Variants in SKIL observed in about 807,000 individuals in gnomAD.
SKIL encodes SKI like proto-oncogene.
In SKIL, 20 loss-of-function variants were observed where a neutral mutation model predicts 69.6. That is an observed-to-expected ratio of 0.29 (90% CI 0.20 to 0.42). SKIL has a LOEUF of 0.42. SKIL is among the 10% of genes least tolerant of loss of function. The pLI is 1.00. For synonymous variants in SKIL, 310 were observed against 279.9 expected (o/e 1.11, Z -1.08); for missense variants, 745 against 783.1 (o/e 0.95, Z 0.58).
At chr3:170,379,074 G>T (rs980474892) in intron 2 of SKIL, among the ~76,000 whole-genome samples, 1 of 149,278 alleles carries the variant, frequency 6.7e-6, no homozygotes, top group South Asian at 2.1e-4. Flanking sequence ...ACTGGGTTTC[G>T]CTGTGTTGGC....
rs1738159850 is a variant in SKIL, at chr3:170,395,895, T to G, written c.*3478T>G. The G allele has an allele frequency of 1.4e-5, 2 of 143,872 alleles. No individual in the cohort carries two copies. Among genetic ancestry groups the G allele is most frequent in the Admixed American group, 7.5e-5 (1 of 13,348 alleles). 8.9% of individuals were successfully genotyped at this position (143,872 alleles called of 1,614,324 possible). A position where few individuals can be genotyped will look rare whatever the true frequency, so the allele number is the denominator to read the frequency against. ...GACATAAAACTGCTGTATTATACAT[T>G]GTGGAATTGAATAAACAGCCTAATT... is the stretch of plus-strand genomic sequence containing the variant. On this transcript the variant is annotated 3_prime_UTR_variant, in exon 7 of 7. Transcript: ENST00000259119.
intron 2 of SKIL, among the ~76,000 whole-genome samples, chr3:170,367,842 G>C (rs1736619067): frequency 6.6e-6 from 1 of 151,978 alleles, no homozygotes; most frequent in Non-Finnish European, 1.5e-5. Context: ...AATCTACTTA[G>C]GGGGGAAAAA....
chr3:170,361,354 A>G lies in SKIL; in HGVS notation c.1023A>G (p.Glu341=). ...VNQKYLGTPE[E]KKLKIILEEM... The stretch of plus-strand genomic sequence containing the variant: ...AAAAATACTTAGGAACACCTGAAGA[A>G]AAGAAACTGAAGATAATTTTAGAAG... The change falls in exon 2 of 7, where the codon GAA becomes GAG. Residue 341 remains glutamate (E), a synonymous_variant. Transcript: ENST00000259119. The G allele has an allele frequency of 6.2e-7, 1 of 1,609,544 alleles. No individual in the cohort carries two copies. Among genetic ancestry groups the G allele is most frequent in the Non-Finnish European group, 8.5e-7 (1 of 1,178,708 alleles).
intron 2 of SKIL, among the ~76,000 whole-genome samples, chr3:170,366,688 C>CACACAGAG (rs369728007): frequency 1.4e-5 from 2 of 140,766 alleles, no homozygotes; most frequent in South Asian, 2.3e-4. Context: ...CACACACACA[C>CACACAGAG]ACACACAGAC....
At chr3:170,389,073 A>G (rs1344705039) in intron 4 of SKIL, among the ~76,000 whole-genome samples, 1 of 151,048 alleles carries the variant, frequency 6.6e-6, no homozygotes, top group Non-Finnish European at 1.5e-5. Context: ...GAGTTTTACC[A>G]TGTTGGTCAG....
At chr3:170,364,412 C>G (rs192478707) in intron 2 of SKIL, among the ~76,000 whole-genome samples, 100 of 146,532 alleles carry the variant, frequency 6.8e-4, no homozygotes, top group Middle Eastern at 7.4e-3. Context: ...CAATCTCCAC[C>G]TCCCAGATTC....
At chr3:170,361,458 T>C (rs544789328) in intron 2 of SKIL, 29 bp downstream of exon 2, 3 of 1,473,532 alleles carry the variant, frequency 2.0e-6, no homozygotes, top group East Asian at 4.5e-5. Flanking sequence ...TTTTTAATAA[T>C]GGTAATGGTT....
chr3:170,370,336 T>G (rs1245282445), intron 2 of SKIL, among the ~76,000 whole-genome samples: 1 of 151,218 alleles, frequency 6.6e-6, no homozygotes, highest in Non-Finnish European at 1.5e-5. Flanking sequence ...TTAGTTTGAG[T>G]CCTTTTGATT....
chr3:170,370,437 GAGC>G lies in SKIL; in HGVS notation c.1098+9009_1098+9011del, dbSNP rs1336102667. On this transcript the variant is annotated intron_variant, in intron 2 of 6. Coordinates refer to ENST00000259119, the MANE Select transcript of SKIL (RefSeq NM_005414.5). Reference sequence around the variant, plus strand: ...GTATATATACAGAGAGAGAGAGAGAGAGCCCCCCCCCCCCCCCCGAGCAGGAGT... The same window carrying G: ...GTATATATACAGAGAGAGAGAGAGAGCCCCCCCCCCCCCCCGAGCAGGAGT... 2.3e-3 allele frequency among the ~76,000 whole-genome samples: 56 copies of G among 24,832 alleles called. 3 individuals are homozygous for G. Among genetic ancestry groups the G allele is most frequent in the African/African-American group, 8.1e-3 (48 of 5,948 alleles). The allele number at this position is 24,832 out of a possible 152,430, so 16.3% of individuals were successfully genotyped here.
At chr3:170,364,501 T>G (rs1736408455) in intron 2 of SKIL, among the ~76,000 whole-genome samples, 1 of 151,886 alleles carries the variant, frequency 6.6e-6, no homozygotes, top group African/African-American at 2.4e-5. Flanking sequence ...TTTTTTGTAT[T>G]TTTAGTAGAG....
rs750512944 is a variant in SKIL at position 170,390,398 on chromosome 3, G to A, written c.1605G>A (p.Met535Ile). The A allele has an allele frequency of 1.2e-6, 2 of 1,613,132 alleles. No homozygotes were observed. The highest frequency in any genetic ancestry group is 1.7e-6 in the Non-Finnish European group (2 of 1,179,064). ...AGGGAAAAATCATGGAAGAAGTAAT[G>A]AGAACTTATTTAAAACAACAGGAAA... Reference protein sequence around the residue: ...DDKGKIMEEVMRTYLKQQEKL... With the variant: ...DDKGKIMEEVIRTYLKQQEKL... The change falls in exon 5 of 7, where the codon ATG (methionine) becomes ATA (isoleucine). Residue 535 changes from methionine (M) to isoleucine (I), a missense_variant. Met to Ile is a conservative substitution (Grantham distance 10, BLOSUM62 1). Coordinates refer to ENST00000259119, the MANE Select transcript of SKIL (RefSeq NM_005414.5).
chr3:170,389,578 T>G (rs1431452073), intron 4 of SKIL, among the ~76,000 whole-genome samples: 1 of 152,108 alleles, frequency 6.6e-6, no homozygotes, highest in African/African-American at 2.4e-5. Context: ...CCTCCCAAAG[T>G]GCTGGGATTA....
intron 2 of SKIL, among the ~76,000 whole-genome samples, chr3:170,370,682 A>G (rs929800621): frequency 6.6e-6 from 1 of 152,154 alleles, no homozygotes; most frequent in African/African-American, 2.4e-5. Context: ...ATGGCATTAA[A>G]AGTACATATT....
chr3:170,386,429 C>T (rs147769304), intron 4 of SKIL, among the ~76,000 whole-genome samples: 215 of 152,254 alleles, frequency 1.4e-3, no homozygotes, highest in African/African-American at 4.4e-3. Flanking sequence ...CGCGCCCGGC[C>T]AGGGGTTTTC....
intron 1 of SKIL, among the ~76,000 whole-genome samples, chr3:170,358,067 A>G (rs1736021761): frequency 6.6e-6 from 1 of 151,740 alleles, no homozygotes; most frequent in South Asian, 2.1e-4. Context: ...GGAGACCCGG[A>G]CGCCCGTCAC....
chr3:170,383,211 T>A (rs1418059133), intron 3 of SKIL, among the ~76,000 whole-genome samples: 1 of 152,208 alleles, frequency 6.6e-6, no homozygotes, highest in Non-Finnish European at 1.5e-5. Flanking sequence ...ATAAGGGGAC[T>A]GAGTCTTATT....
At chr3:170,369,918 A>G (rs1736715606) in intron 2 of SKIL, among the ~76,000 whole-genome samples, 1 of 152,184 alleles carries the variant, frequency 6.6e-6, no homozygotes, top group Non-Finnish European at 1.5e-5. Flanking sequence ...AAAAGAATAT[A>G]TAAACAATGC....
chr3:170,368,009 A>C (rs1457632899), intron 2 of SKIL, among the ~76,000 whole-genome samples: 1 of 152,196 alleles, frequency 6.6e-6, no homozygotes, highest in Non-Finnish European at 1.5e-5. Context: ...ATAATAGTAC[A>C]AAATATTTCT....
chr3:170,378,615 G>T (rs906137637), intron 2 of SKIL, among the ~76,000 whole-genome samples: 1 of 145,326 alleles, frequency 6.9e-6, no homozygotes, highest in African/African-American at 2.6e-5. Context: ...GCAGTGGCGC[G>T]AACTCAGCTC....
Sources: gnomAD v4.1 joint callset for allele counts (sites outside exome capture counted in the v4.1 genomes callset) on GRCh38, gnomAD v4.1.1 for gene constraint, MANE v1.5 for transcripts, NCBI Gene and HGNC (gene_info 2026-07-23, HGNC 2026-07-21) for gene names.